Variants in KDELR2 observed in about 807,000 individuals in gnomAD.
The protein encoded by KDELR2 is ER lumen protein-retaining receptor 2.
In KDELR2, 15 loss-of-function variants were observed where a neutral mutation model predicts 23.9. The ratio of observed to expected loss-of-function variants is 0.63; its 90% confidence interval spans 0.42 to 0.97. The LOEUF (loss-of-function observed/expected upper bound fraction) is 0.97. KDELR2 is among the 50% of genes least tolerant of loss of function. The pLI, the probability that KDELR2 is intolerant of heterozygous loss-of-function variation, is 0.00. For missense variants in KDELR2, 272 were observed against 254.6 expected, an observed-to-expected ratio of 1.07 and a Z score of -0.46; for synonymous variants, 119 against 106.2, an observed-to-expected ratio of 1.12 and a Z score of -0.74.
chr7:6,463,573 A>G (rs1785431911), intron 4 of KDELR2, among the ~76,000 whole-genome samples: 1 of 149,484 alleles, frequency 6.7e-6, no homozygotes, highest in Admixed American at 6.7e-5. Flanking sequence ...CCATCTCTAT[A>G]AAAAAAAAAT....
chr7:6,465,653 G>A (rs1428651169), intron 4 of KDELR2, among the ~76,000 whole-genome samples: 1 of 152,108 alleles, frequency 6.6e-6, no homozygotes, highest in Non-Finnish European at 1.5e-5. Context: ...AATGGGGGCT[G>A]GGTAAATAAA....
chr7:6,472,046 G>A (rs563032286), intron 2 of KDELR2, among the ~76,000 whole-genome samples: 20 of 152,188 alleles, frequency 1.3e-4, no homozygotes, highest in South Asian at 1.2e-3. Context: ...GATTACAGGC[G>A]CATGCCGCCA....
chr7:6,465,505 A>C (rs750327705), intron 4 of KDELR2, among the ~76,000 whole-genome samples: 1 of 151,898 alleles, frequency 6.6e-6, no homozygotes, highest in African/African-American at 2.4e-5. Context: ...TTTTCTGAAC[A>C]AGGATGATAG....
At chr7:6,473,328 C>A (rs1284718898) in intron 2 of KDELR2, among the ~76,000 whole-genome samples, 2 of 152,186 alleles carry the variant, frequency 1.3e-5, no homozygotes, top group East Asian at 3.9e-4. Flanking sequence ...CTCTCCCACA[C>A]CAGCCTAGAG....
At chr7:6,474,375 A>C in intron 1 of KDELR2, 91 bp from the exon 2 acceptor site, 1 of 869,730 alleles carries the variant, frequency 1.1e-6, no homozygotes, top group African/African-American at 1.7e-5. Flanking sequence ...ACAGGGAAGG[A>C]GGGGTGCGTG....
intron 2 of KDELR2, chr7:6,470,189 T>C (rs1428912021): frequency 6.5e-6 from 1 of 153,136 alleles, no homozygotes; most frequent in Non-Finnish European, 1.5e-5. Flanking sequence ...GTATAGCAGG[T>C]CTGCCAATAA....
intron 3 of KDELR2, among the ~76,000 whole-genome samples, chr7:6,466,558 G>A (rs1239631004): frequency 6.6e-6 from 1 of 152,086 alleles, no homozygotes; most frequent in East Asian, 1.9e-4. Flanking sequence ...GTGGATGGAT[G>A]GTTTCGGGAT....
Position 6,465,964 on chromosome 7 carries a change from C to T in KDELR2, c.604+107G>A, listed in dbSNP as rs936955735. ...TTATTGGCCAATCATGAAAGTGTTTCTCTGGAGCCAGTTTATGAGAGAGTG... is the reference window on the plus strand; with the variant it reads ...TTATTGGCCAATCATGAAAGTGTTTTTCTGGAGCCAGTTTATGAGAGAGTG... On this transcript the variant is annotated intron_variant, in intron 4 of 4. Coordinates refer to ENST00000258739, the MANE Select transcript of KDELR2 (RefSeq NM_006854.4). 1.1e-5 allele frequency: 13 copies of T among 1,179,056 alleles called. No individual in the cohort carries two copies. The African/African-American group carries it at 1.8e-4, about 17-fold the overall frequency. 73.0% of individuals were successfully genotyped at this position (1,179,056 alleles called of 1,614,324 possible).
rs1785379146 is a variant in KDELR2 at position 6,461,108 on chromosome 7, T to A, written c.*2033A>T. On this transcript the variant is annotated 3_prime_UTR_variant, in exon 5 of 5. Transcript: ENST00000258739. ...AAAATATTAATTACCTGGTAACCTT[T>A]ATTCGGGAAGTGAAAGTAACTGTGA... 1.3e-5 allele frequency: 2 copies of A among 152,170 alleles called. No individual in the cohort carries two copies. Among genetic ancestry groups the A allele is most frequent in the South Asian group, 4.1e-4 (2 of 4,828 alleles). 9.4% of individuals were successfully genotyped at this position (152,170 alleles called of 1,614,324 possible).
intron 1 of KDELR2, among the ~76,000 whole-genome samples, chr7:6,481,056 T>A (rs1785877462): frequency 6.6e-6 from 1 of 152,028 alleles, no homozygotes; most frequent in South Asian, 2.1e-4. Flanking sequence ...CCTGAATCTC[T>A]CAAATGAAAA....
At chr7:6,481,207 A>G (rs1583322110) in intron 1 of KDELR2, among the ~76,000 whole-genome samples, 2 of 152,040 alleles carry the variant, frequency 1.3e-5, no homozygotes, top group African/African-American at 4.8e-5. Flanking sequence ...TGTCTCTACT[A>G]AAAATACAAA....
At chr7:6,479,212 C>A (rs373779598) in intron 1 of KDELR2, among the ~76,000 whole-genome samples, 2 of 152,106 alleles carry the variant, frequency 1.3e-5, no homozygotes, top group Non-Finnish European at 2.9e-5. Flanking sequence ...AGCTGAAGTG[C>A]AATGGTGTGA....
intron 1 of KDELR2, among the ~76,000 whole-genome samples, chr7:6,481,973 A>G (rs569845218): frequency 0.074 from 17 of 230 alleles, no homozygotes; most frequent in African/African-American, 0.15. Flanking sequence ...AAGGTCGTTT[A>G]TTTATTTATT....
Position 6,471,490 on chromosome 7 carries a change from C to T in KDELR2, c.193-1736G>A, listed in dbSNP as rs138652448. Among the ~76,000 whole-genome samples the T allele has an allele frequency of 8.0e-3, 1,210 of 152,098 alleles. 22 individuals carry two copies. The highest frequency in any genetic ancestry group is 0.017 in the African/African-American group (691 of 41,496). On this transcript the variant is annotated intron_variant, in intron 2 of 4. Coordinates refer to ENST00000258739, the MANE Select transcript of KDELR2 (RefSeq NM_006854.4). ...CCACAGCACCCGGCCTGTTTTGGGT[C>T]TTTATTTAAAAGTCTGGTGGTGTTT...
intron 3 of KDELR2, among the ~76,000 whole-genome samples, chr7:6,467,240 A>G (rs1435457599): frequency 1.3e-5 from 2 of 152,224 alleles, no homozygotes; most frequent in Non-Finnish European, 2.9e-5. Context: ...GACAATACTG[A>G]TAATTGATAA....
At chr7:6,480,795 A>G (rs1270728696) in intron 1 of KDELR2, among the ~76,000 whole-genome samples, 2 of 152,256 alleles carry the variant, frequency 1.3e-5, no homozygotes, top group Non-Finnish European at 2.9e-5. Flanking sequence ...AACAACTTTT[A>G]TAATTTAGTA....
rs979414921 is a variant in KDELR2, at chr7:6,461,864, G to C, written c.*1277C>G. 3 of 151,752 alleles carry C rather than the reference G, an allele frequency of 2.0e-5. No homozygotes were observed. The highest frequency in any genetic ancestry group is 7.3e-5 in the African/African-American group (3 of 41,300). 9.4% of individuals were successfully genotyped at this position (151,752 alleles called of 1,614,324 possible). A position where few individuals can be genotyped will look rare whatever the true frequency, so the allele number is the denominator to read the frequency against. On this transcript the variant is annotated 3_prime_UTR_variant, in exon 5 of 5. Transcript: ENST00000258739. Reference sequence around the variant, plus strand: ...CAAATCCATATAATGGCAAAATCAGGAAAAAAATTCTAGTATTTCCACAAA... The same window carrying C: ...CAAATCCATATAATGGCAAAATCAGCAAAAAAATTCTAGTATTTCCACAAA...
intron 4 of KDELR2, among the ~76,000 whole-genome samples, chr7:6,465,181 C>CTT (rs1211865175): frequency 4.7e-4 from 63 of 134,134 alleles, no homozygotes; most frequent in African/African-American, 1.3e-3. Flanking sequence ...GCGTAAATAT[C>CTT]TTTTTTTTTT....
chr7:6,473,001 G>A (rs1256575254), intron 2 of KDELR2, among the ~76,000 whole-genome samples: 1 of 150,362 alleles, frequency 6.7e-6, no homozygotes, highest in Non-Finnish European at 1.5e-5. Flanking sequence ...TCAACCTCCA[G>A]GGCTCAAGCG....
Sources: allele counts gnomAD v4.1 joint callset (sites outside exome capture counted in the v4.1 genomes callset), GRCh38; gene constraint gnomAD v4.1.1; transcripts MANE v1.5; gene names NCBI Gene and HGNC (gene_info 2026-07-23, HGNC 2026-07-21).